The following EXTL3 variants were observed in gnomAD, a reference collection of about 807,000 sequenced individuals.
EXTL3 encodes exostosin like glycosyltransferase 3.
EXTL3 carries 27 observed loss-of-function variants against 69.3 expected under a neutral mutation model. The ratio of observed to expected loss-of-function variants is 0.39; its 90% CI spans 0.29 to 0.54. EXTL3 has a LOEUF of 0.54. Among genes scored for constraint, EXTL3 ranks in the 20% least tolerant of loss-of-function variants. EXTL3 has a pLI of 0.69. For synonymous variants in EXTL3, 511 were observed against 499.4 expected, an observed-to-expected ratio of 1.02 and a Z score of -0.31; for missense variants, 1,003 against 1,231.8, an observed-to-expected ratio of 0.81 and a Z score of 2.78.
rs200511604 is a variant in EXTL3, at chr8:28,613,291, C to A, written n.314+5533C>A. Among the ~76,000 whole-genome samples the A allele has an allele frequency of 4.6e-5, 7 of 152,280 alleles. 1 individual carries two copies. In the East Asian group the frequency reaches 1.4e-3, roughly 29 times the overall value. On this transcript the variant is annotated intron_variant and non_coding_transcript_variant, in intron 2 of 4. Coordinates refer to the EXTL3 transcript ENST00000522725. Reference sequence around the variant, plus strand: ...CTCTGCCTCCTGGGTTCAAATGATTCTCCTGCCTCGGCCTCCTGAGTTGCT... The same window carrying A: ...CTCTGCCTCCTGGGTTCAAATGATTATCCTGCCTCGGCCTCCTGAGTTGCT...
upstream of EXTL3, chr8:28,701,068 T>C (rs567170798): frequency 8.5e-5 from 13 of 152,420 alleles, no homozygotes; most frequent in East Asian, 2.5e-3. Context: ...CTGCAGGCAG[T>C]TGCCGCGCAC....
intron 1 of EXTL3, among the ~76,000 whole-genome samples, chr8:28,625,720 C>CCAG (rs1378901985): frequency 6.6e-6 from 1 of 151,988 alleles, no homozygotes; most frequent in Non-Finnish European, 1.5e-5. Flanking sequence ...GATAATTATG[C>CCAG]AGTTGGTATG....
At position 28,716,257 on chromosome 8, in the gene EXTL3, T is replaced by G. The variant is rs1285938816; in HGVS notation, c.198T>G (p.Gly66=). The change falls in exon 3 of 7, where the codon GGT becomes GGG. Residue 66 remains glycine (G), a synonymous_variant. Coordinates refer to ENST00000220562, the MANE Select transcript of EXTL3 (RefSeq NM_001440.4). This position sits in a 1 kb window ranked among gnomAD's most constrained non-coding sequence, Gnocchi z 7.1. The stretch of plus-strand genomic sequence containing the variant: ...ATGAGGCAGGCAAGCGGATTTTTGG[T>G]CCCCGGGTGGGGAACGAGCTGTGCG... ...EADEAGKRIF[G]PRVGNELCEV... is the part of the protein sequence containing the mutation. 1.2e-6 allele frequency: 2 copies of G among 1,614,098 alleles called. No homozygotes were observed. Among genetic ancestry groups the G allele is most frequent in the Non-Finnish European group, 8.5e-7 (1 of 1,180,014 alleles).
chr8:28,614,824 T>C (rs548056410), intron 2 of EXTL3, among the ~76,000 whole-genome samples: 2 of 152,334 alleles, frequency 1.3e-5, no homozygotes, highest in African/African-American at 4.8e-5. Flanking sequence ...TTTCCAACTT[T>C]TAAGTGTGGG....
At chr8:28,709,300 G>A (rs113019022) in intron 1 of EXTL3, among the ~76,000 whole-genome samples, 1 of 152,076 alleles carries the variant, frequency 6.6e-6, no homozygotes, top group Admixed American at 6.5e-5. Flanking sequence ...GTTTAACCCG[G>A]CATACAGTAA....
intron 3 of EXTL3, among the ~76,000 whole-genome samples, chr8:28,727,673 G>A (rs904859417): frequency 1.3e-5 from 2 of 152,130 alleles, no homozygotes; most frequent in African/African-American, 2.4e-5. Flanking sequence ...GCATTCACAC[G>A]TCTAGTAAGA....
intron 3 of EXTL3, among the ~76,000 whole-genome samples, chr8:28,722,738 C>T (rs939202791): frequency 7.5e-5 from 11 of 146,104 alleles, no homozygotes; most frequent in East Asian, 2.0e-4. Flanking sequence ...TGTGCCACCG[C>T]GCTCCAGCCT....
chr8:28,653,879 T>G (rs1027111612), intron 1 of EXTL3, among the ~76,000 whole-genome samples: 5 of 152,192 alleles, frequency 3.3e-5, no homozygotes, highest in Non-Finnish European at 7.3e-5. Context: ...AGTCTCTTAA[T>G]TCTTTATGAA....
chr8:28,667,456 A>G (rs1055540946), intron 1 of EXTL3, among the ~76,000 whole-genome samples: 4 of 152,204 alleles, frequency 2.6e-5, no homozygotes, highest in South Asian at 2.1e-4. Context: ...TTTCTGTTCA[A>G]TACTGGGCCT....
In EXTL3 at chr8:28,730,538, A is replaced by G. The variant is rs369945934; in HGVS notation, c.2149-685A>G. On this transcript the variant is annotated intron_variant, in intron 3 of 6. Coordinates refer to ENST00000220562, the MANE Select transcript of EXTL3 (RefSeq NM_001440.4). Reference sequence around the variant, plus strand: ...AATTGTTTCATTATGTAGTTGTACTATTTGAAGCACCAGTTTCTGTTTTAT... The same window carrying G: ...AATTGTTTCATTATGTAGTTGTACTGTTTGAAGCACCAGTTTCTGTTTTAT... Among the ~76,000 whole-genome samples, 17 of 152,346 alleles carry G rather than the reference A, an allele frequency of 1.1e-4. No homozygotes were observed. The South Asian group carries it at 3.3e-3, about 30-fold the overall frequency.
At position 28,694,874 on chromosome 8, in the gene EXTL3, G is replaced by A. The variant is rs186450630; in HGVS notation, c.-52-18583G>A. On this transcript the variant is annotated intron_variant, in intron 1 of 6. Transcript: ENST00000523149. ...TAAAAATACAAAAAACTAGCTGGGC[G>A]TGGTGGCACATGCCTGTAATCCAGC... Among the ~76,000 whole-genome samples the A allele has an allele frequency of 8.2e-3, 1,253 of 152,128 alleles. 21 individuals carry two copies. The highest frequency in any genetic ancestry group is 0.028 in the African/African-American group (1,178 of 41,488).
chr8:28,727,259 A>G (rs139402262), intron 3 of EXTL3, among the ~76,000 whole-genome samples: 2 of 152,302 alleles, frequency 1.3e-5, no homozygotes, highest in East Asian at 3.9e-4. Context: ...CATCCAGCCC[A>G]GAGCAGTTGT....
chr8:28,609,269 T>C (rs1160100231), intron 2 of EXTL3, among the ~76,000 whole-genome samples: 1 of 152,018 alleles, frequency 6.6e-6, no homozygotes, highest in Admixed American at 6.6e-5. Flanking sequence ...TTCTAAGTGC[T>C]GTGGGAAATC....
intron 1 of EXTL3, among the ~76,000 whole-genome samples, chr8:28,641,784 G>A (rs919052797): frequency 1.3e-5 from 2 of 151,794 alleles, no homozygotes; most frequent in Non-Finnish European, 1.5e-5. Context: ...GAGCCATGGC[G>A]CCTGGCCATA....
intron 6 of EXTL3, among the ~76,000 whole-genome samples, chr8:28,747,797 C>G (rs907984727): frequency 8.2e-5 from 12 of 146,494 alleles, no homozygotes; most frequent in South Asian, 2.1e-4. Context: ...GGCACGATCT[C>G]AGGTCACTGC....
intron 1 of EXTL3, among the ~76,000 whole-genome samples, chr8:28,632,921 G>T (rs975847078): frequency 6.6e-6 from 1 of 151,680 alleles, no homozygotes; most frequent in Non-Finnish European, 1.5e-5. Context: ...CTCGGCAGAT[G>T]GTATATATTA....
intron 1 of EXTL3, among the ~76,000 whole-genome samples, chr8:28,707,213 C>T (rs1800942542): frequency 1.3e-5 from 2 of 152,206 alleles, no homozygotes; most frequent in Admixed American, 1.3e-4. Flanking sequence ...AATGAATCCT[C>T]TAAGTAAACA....
At chr8:28,630,768 G>T (rs77608745) in intron 1 of EXTL3, among the ~76,000 whole-genome samples, 4,622 of 152,314 alleles carry the variant, frequency 0.03, 208 homozygotes, top group African/African-American at 0.097. Context: ...GCTTATAACT[G>T]GGGCGGAGGA....
chr8:28,735,583 C>T lies in EXTL3; in HGVS notation c.2277-1936C>T, dbSNP rs144046721. ...TGCTGTCTATACATCCTAACCTTTT[C>T]CTACCCTGACCCTTTTCTCATGCAT... On this transcript the variant is annotated intron_variant, in intron 4 of 6. Transcript: ENST00000220562. Among the ~76,000 whole-genome samples the T allele has an allele frequency of 2.0e-3, 305 of 152,296 alleles. 1 individual carries two copies. The highest frequency in any genetic ancestry group is 3.5e-3 in the Non-Finnish European group (237 of 68,012).
Sources: allele counts gnomAD v4.1 joint callset (sites outside exome capture counted in the v4.1 genomes callset), GRCh38; gene constraint gnomAD v4.1.1; non-coding constraint Gnocchi (gnomAD v3.1); transcripts MANE v1.5; gene names NCBI Gene and HGNC (gene_info 2026-07-23, HGNC 2026-07-21).